GSDME: variants seen among roughly 807,000 people sequenced by gnomAD.
GSDME encodes the protein gasdermin-E.
In GSDME, 44 loss-of-function variants were observed where a neutral mutation model predicts 47.5. That is an observed-to-expected ratio of 0.93 (90% CI 0.73 to 1.19). The LOEUF (loss-of-function observed/expected upper bound fraction) is 1.19. Ranked by LOEUF, GSDME falls within the 50% of genes most tolerant of loss-of-function variation. GSDME has a pLI of 0.00. For synonymous variants in GSDME, 258 were observed against 252.8 expected (o/e 1.02, Z -0.20); for missense variants, 663 against 604.2 (o/e 1.10, Z -1.02).
intron 8 of GSDME, chr7:24,703,761 T>G (rs527329576): frequency 1.3e-5 from 2 of 152,620 alleles, no homozygotes; most frequent in South Asian, 2.1e-4. Flanking sequence ...GGGGGATGCT[T>G]CTTTCAGAGA....
At position 24,733,022 on chromosome 7, in the gene GSDME, G is replaced by C. The variant is rs2521765; in HGVS notation, c.404+11540C>G. Among the ~76,000 whole-genome samples the C allele has an allele frequency of 0.61, 92,034 of 151,244 alleles. 30,741 individuals are homozygous for C. The highest frequency in any genetic ancestry group is 0.99 in the East Asian group (5,013 of 5,066). ...CAGCTCCAAAAGAGATCCCTTCCTT[G>C]TGCTTGAGGAGAGGAGAGGGAAGAG... is the stretch of plus-strand genomic sequence containing the variant. On this transcript the variant is annotated intron_variant, in intron 3 of 9. Transcript: ENST00000645220. This position sits in a 1 kb window ranked among gnomAD's most constrained non-coding sequence, Gnocchi z 4.3.
the GSDME span, among the ~76,000 whole-genome samples, chr7:24,789,244 T>G: frequency 7.6e-3 from 1,150 of 151,120 alleles, 11 homozygotes; most frequent in African/African-American, 0.026. Context: ...AGTAAGCATT[T>G]TCCTTTTTCA....
chr7:24,723,634 G>A (rs1364308133), intron 3 of GSDME, among the ~76,000 whole-genome samples: 1 of 152,120 alleles, frequency 6.6e-6, no homozygotes, highest in African/African-American at 2.4e-5. Flanking sequence ...GCCTAGAGAG[G>A]TTGATGGTAG....
chr7:24,779,121 C>T, the GSDME span, among the ~76,000 whole-genome samples: 2 of 152,116 alleles, frequency 1.3e-5, no homozygotes, highest in African/African-American at 2.4e-5. The surrounding 1 kb of genome is among the most constrained non-coding windows in gnomAD (Gnocchi z 6.0). Flanking sequence ...CCTTAACATA[C>T]GAGGCTATGA....
chr7:24,786,726 G>A, the GSDME span, among the ~76,000 whole-genome samples: 18 of 152,306 alleles, frequency 1.2e-4, no homozygotes, highest in Middle Eastern at 6.8e-3. This position sits in a 1 kb window ranked among gnomAD's most constrained non-coding sequence, Gnocchi z 5.5. Context: ...AGTTTTGGAG[G>A]TGGACAGTCG....
intron 6 of GSDME, among the ~76,000 whole-genome samples, chr7:24,709,652 G>A (rs1396199752): frequency 2.0e-5 from 3 of 151,940 alleles, no homozygotes; most frequent in African/African-American, 4.8e-5. Flanking sequence ...CCACATCCCC[G>A]ACAAAAGAAA....
chr7:24,709,864 C>T lies in GSDME; in HGVS notation c.862+360G>A, dbSNP rs570813688. On this transcript the variant is annotated intron_variant, in intron 6 of 9. Coordinates refer to ENST00000645220, the MANE Select transcript of GSDME (RefSeq NM_001127453.2). ...AGAATATAACAAAACAGATGCAGAA[C>T]GGGTTCTCCATCCTCGCGGCTGATG... Among the ~76,000 whole-genome samples, 143 of 152,132 alleles carry T rather than the reference C, an allele frequency of 9.4e-4. 1 individual carries two copies. Among genetic ancestry groups the T allele is most frequent in the African/African-American group, 3.3e-3 (138 of 41,510 alleles).
At chr7:24,702,948 G>A in intron 8 of GSDME, 115 bp from the exon 9 acceptor site, 2 of 830,860 alleles carry the variant, frequency 2.4e-6, no homozygotes, top group Non-Finnish European at 2.0e-6. Flanking sequence ...GCCAGGCAGG[G>A]GAGGTACTCA....
At chr7:24,709,778 A>G (rs983937424) in intron 6 of GSDME, among the ~76,000 whole-genome samples, 23 of 152,178 alleles carry the variant, frequency 1.5e-4, no homozygotes, top group African/African-American at 5.5e-4. Context: ...GTGGATAAAG[A>G]GCCTCCAAGA....
chr7:24,748,110 TA>T (rs905985644), intron 2 of GSDME, among the ~76,000 whole-genome samples: 1 of 147,952 alleles, frequency 6.8e-6, no homozygotes, highest in African/African-American at 2.5e-5. Flanking sequence ...TAATGTTAAG[TA>T]AAAAAATAAG....
In GSDME at chr7:24,714,183, C is replaced by T. The variant is rs552858111; in HGVS notation, c.697+3071G>A. ...GCATAAGTGTCTCCTGAGAGGGGAG[C>T]TGTGGGTGAAGGAAAGGGTCTCATT... is the stretch of plus-strand genomic sequence containing the variant. On this transcript the variant is annotated intron_variant, in intron 5 of 9. Coordinates refer to ENST00000645220, the MANE Select transcript of GSDME (RefSeq NM_001127453.2). This position sits in a 1 kb window ranked among gnomAD's most constrained non-coding sequence, Gnocchi z 5.0. 6.6e-6 allele frequency among the ~76,000 whole-genome samples: 1 copy of T among 152,282 alleles called. No homozygotes were observed. The highest frequency in any genetic ancestry group is 2.4e-5 in the African/African-American group (1 of 41,554).
rs115260699 is a variant in GSDME at position 24,748,664 on chromosome 7, A to C, written c.211+900T>G. On this transcript the variant is annotated intron_variant, in intron 2 of 9. Coordinates refer to ENST00000645220, the MANE Select transcript of GSDME (RefSeq NM_001127453.2). ...TGTCTGACTGCTCTCAGCTTCTGAG[A>C]CCCCACTCCTCCTTCTCTTTCTTTT... is the stretch of plus-strand genomic sequence containing the variant. 6.7e-3 allele frequency among the ~76,000 whole-genome samples: 1,013 copies of C among 152,064 alleles called. 10 individuals carry two copies. Among genetic ancestry groups the C allele is most frequent in the African/African-American group, 0.023 (969 of 41,466 alleles).
At position 24,706,135 on chromosome 7, in the gene GSDME, G is replaced by A. The variant is rs1175590883; in HGVS notation, c.1183+49C>T. On this transcript the variant is annotated intron_variant, in intron 8 of 9. Coordinates refer to ENST00000645220, the MANE Select transcript of GSDME (RefSeq NM_001127453.2). The stretch of plus-strand genomic sequence containing the variant: ...CCCAGAAGCATAGATAGTAGGCAAA[G>A]CATTTTAAAGCAGCAGCAGCCATTT... The A allele has an allele frequency of 3.7e-6, 6 of 1,604,708 alleles. No individual in the cohort carries two copies. In the Admixed American group the frequency reaches 6.7e-5, roughly 18 times the overall value.
intron 3 of GSDME, among the ~76,000 whole-genome samples, chr7:24,743,602 G>A (rs1193528796): frequency 1.3e-5 from 2 of 152,056 alleles, no homozygotes; most frequent in Non-Finnish European, 2.9e-5. Flanking sequence ...CTTTCCAGTG[G>A]CCTTCAAGGT....
intron 3 of GSDME, among the ~76,000 whole-genome samples, chr7:24,719,599 C>A (rs1789700162): frequency 1.3e-5 from 2 of 151,990 alleles, no homozygotes; most frequent in Admixed American, 6.6e-5. Context: ...TCGAGACCAG[C>A]CTGGCCAACA....
rs1790591125 is a variant in GSDME at position 24,744,648 on chromosome 7, G to A, written c.318C>T (p.Ser106=). The A allele has an allele frequency of 6.2e-7, 1 of 1,614,070 alleles. No homozygotes were observed. Among genetic ancestry groups the A allele is most frequent in the African/African-American group, 1.3e-5 (1 of 74,910 alleles). Residue 106 remains serine (S), a synonymous_variant, in exon 3 of 10, where the codon AGC becomes AGT. Coordinates refer to ENST00000645220, the MANE Select transcript of GSDME (RefSeq NM_001127453.2). This position sits in a 1 kb window ranked among gnomAD's most constrained non-coding sequence, Gnocchi z 4.5. ...ATGAAGACTGGCTCTCTACGCGGCT[G>A]CTGCCCCCCAGGTTCAGCTTGACCT... ...LGKVKLNLGG[S]SRVESQSSFG...
intron 3 of GSDME, among the ~76,000 whole-genome samples, chr7:24,734,543 A>C (rs987175014): frequency 6.6e-6 from 1 of 152,250 alleles, no homozygotes; most frequent in African/African-American, 2.4e-5. Context: ...AAGAAATTCA[A>C]GATAACACAG....
At chr7:24,771,269 G>A in the GSDME span, among the ~76,000 whole-genome samples, 5 of 152,256 alleles carry the variant, frequency 3.3e-5, no homozygotes, top group South Asian at 4.1e-4. This position sits in a 1 kb window ranked among gnomAD's most constrained non-coding sequence, Gnocchi z 4.1. Context: ...AAGCCTCCCC[G>A]GAAAGGAGAC....
In GSDME at chr7:24,736,254, C is replaced by G. The variant is rs1162098086; in HGVS notation, c.404+8308G>C. 2.0e-5 allele frequency among the ~76,000 whole-genome samples: 3 copies of G among 151,886 alleles called. No individual in the cohort carries two copies. The East Asian group carries it at 5.8e-4, about 29-fold the overall frequency. ...ATGGATTAAAAACAACAAAAAAAGA[C>G]CAAATGATCTGTTGCCTACAAGAAA... On this transcript the variant is annotated intron_variant, in intron 3 of 9. Transcript: ENST00000645220. This position sits in a 1 kb window ranked among gnomAD's most constrained non-coding sequence, Gnocchi z 4.6.
Sources: allele counts gnomAD v4.1 joint callset (sites outside exome capture counted in the v4.1 genomes callset), GRCh38; gene constraint gnomAD v4.1.1; non-coding constraint Gnocchi (gnomAD v3.1); transcripts MANE v1.5; gene names NCBI Gene and HGNC (gene_info 2026-07-23, HGNC 2026-07-21).